Variants in NEDD4L observed in about 807,000 individuals in gnomAD.
The protein encoded by NEDD4L is NEDD4 like E3 ubiquitin protein ligase.
Under a neutral mutation model 148.9 loss-of-function variants are expected in NEDD4L, and 54 were observed. The observed-to-expected ratio is 0.36, with a 90% CI of 0.29 to 0.45. The LOEUF (loss-of-function observed/expected upper bound fraction) is 0.45, where lower values mean the gene tolerates loss of function less well. Ranked by LOEUF, NEDD4L falls within the 20% of genes least tolerant of loss-of-function variation. The pLI, the probability that NEDD4L is intolerant of heterozygous loss-of-function variation, is 1.00. For synonymous variants in NEDD4L, 433 were observed against 440.7 expected, an observed-to-expected ratio of 0.98 and a Z score of 0.22; for missense variants, 856 against 1,233.8, an observed-to-expected ratio of 0.69 and a Z score of 4.59.
intron 12 of NEDD4L, among the ~76,000 whole-genome samples, chr18:58,334,659 T>C (rs955600530): frequency 5.3e-5 from 8 of 152,230 alleles, no homozygotes; most frequent in African/African-American, 1.4e-4. Flanking sequence ...TTTTTAAGAC[T>C]AATAATGTAT....
At chr18:58,273,336 A>G (rs985466291) in intron 5 of NEDD4L, among the ~76,000 whole-genome samples, 8 of 152,256 alleles carry the variant, frequency 5.3e-5, no homozygotes, top group African/African-American at 1.9e-4. Flanking sequence ...ATTATGACAC[A>G]TCCACATTTT....
chr18:58,341,553 T>C (rs2042422553), intron 14 of NEDD4L, 125 bp from the exon 15 acceptor site: 1 of 998,934 alleles, frequency 1.0e-6, no homozygotes, highest in Non-Finnish European at 1.5e-6. Flanking sequence ...AATTATTTCC[T>C]CCACGCTTTA....
chr18:58,226,400 A>G (rs2044359088), intron 2 of NEDD4L, among the ~76,000 whole-genome samples: 1 of 152,172 alleles, frequency 6.6e-6, no homozygotes, highest in South Asian at 2.1e-4. Flanking sequence ...GCAGAGCTCT[A>G]TGTTTTCTCC....
chr18:58,048,213 C>T (rs1402268166), intron 1 of NEDD4L, among the ~76,000 whole-genome samples: 1 of 152,096 alleles, frequency 6.6e-6, no homozygotes, highest in African/African-American at 2.4e-5. Flanking sequence ...GGCAGATCTG[C>T]TTATAGGTGC....
intron 2 of NEDD4L, among the ~76,000 whole-genome samples, chr18:58,225,906 C>T (rs947707040): frequency 8.5e-5 from 13 of 152,194 alleles, no homozygotes; most frequent in African/African-American, 3.1e-4. Context: ...TTTTATAAAA[C>T]AGCACAGTTT....
intron 1 of NEDD4L, among the ~76,000 whole-genome samples, chr18:58,125,935 G>T (rs544008839): frequency 1.3e-5 from 2 of 152,210 alleles, no homozygotes; most frequent in Non-Finnish European, 2.9e-5. Flanking sequence ...GGCAGGTCCC[G>T]CCACCCGGGC....
rs2050622011 is a variant in NEDD4L at position 58,398,228 on chromosome 18, G to A, written c.*1959G>A. The A allele has an allele frequency of 7.9e-6, 1 of 126,190 alleles. No homozygotes were observed. The highest frequency in any genetic ancestry group is 1.6e-5 in the Non-Finnish European group (1 of 62,690). 7.8% of individuals were successfully genotyped at this position (126,190 alleles called of 1,614,324 possible). ...CATGAGTTTTGACTATTGGTGAGAT[G>A]TTTTCCGCTACAGTTAACATGACAA... On this transcript the variant is annotated 3_prime_UTR_variant, in exon 31 of 31. Transcript: ENST00000400345.
At chr18:58,365,553 G>T (rs1015800089) in intron 20 of NEDD4L, among the ~76,000 whole-genome samples, 35 of 152,194 alleles carry the variant, frequency 2.3e-4, no homozygotes, top group Admixed American at 2.3e-3. Context: ...AGGCAGCGTG[G>T]ATTATATCTA....
At chr18:58,200,646 G>A (rs550228548) in intron 2 of NEDD4L, among the ~76,000 whole-genome samples, 62 of 152,256 alleles carry the variant, frequency 4.1e-4, no homozygotes, top group African/African-American at 1.3e-3. Context: ...CTTTAGGTTC[G>A]TGAACCCCAT....
In NEDD4L at chr18:58,146,738, A is replaced by AGGATGTGGAAGGGT. The variant is rs1455565241; in HGVS notation, c.49-19049_49-19048insGATGTGGAAGGGTG. On this transcript the variant is annotated intron_variant, in intron 1 of 30. Coordinates refer to ENST00000400345, the MANE Select transcript of NEDD4L (RefSeq NM_001144967.3). Reference sequence around the variant, plus strand: ...AGGGTGAGGATGTGGAAGGGTGCAGAGCTGCTCAAGGTCAGCTTCCTGAGC... The same window carrying AGGATGTGGAAGGGT: ...AGGGTGAGGATGTGGAAGGGTGCAGAGGATGTGGAAGGGTGCTGCTCAAGGTCAGCTTCCTGAGC... Among the ~76,000 whole-genome samples the AGGATGTGGAAGGGT allele has an allele frequency of 9.7e-4, 147 of 152,284 alleles. 1 individual carries two copies. Among genetic ancestry groups the AGGATGTGGAAGGGT allele is most frequent in the African/African-American group, 3.3e-3 (138 of 41,550 alleles).
chr18:58,251,912 G>T (rs1426803698), intron 4 of NEDD4L, 89 bp from the exon 5 acceptor site: 4 of 760,644 alleles, frequency 5.3e-6, no homozygotes, highest in African/African-American at 3.4e-5. Context: ...TGGGCGCATT[G>T]TAAAGCAGTA....
intron 1 of NEDD4L, among the ~76,000 whole-genome samples, chr18:58,057,436 T>C (rs2082137937): frequency 6.6e-6 from 1 of 152,154 alleles, no homozygotes; most frequent in Non-Finnish European, 1.5e-5. Context: ...GCGTTTGCTT[T>C]GGTCAGCCGG....
At chr18:58,189,415 A>G (rs1163631871) in intron 2 of NEDD4L, among the ~76,000 whole-genome samples, 1 of 152,160 alleles carries the variant, frequency 6.6e-6, no homozygotes, top group East Asian at 1.9e-4. Context: ...ATGAGCCTAG[A>G]GTATAAATGG....
intron 1 of NEDD4L, among the ~76,000 whole-genome samples, chr18:58,109,243 T>G (rs1400724390): frequency 1.3e-5 from 2 of 152,140 alleles, no homozygotes; most frequent in African/African-American, 2.4e-5. Context: ...AATTCAGGTG[T>G]GTTCAGGTTG....
chr18:58,155,105 G>A (rs2035305171), intron 1 of NEDD4L, among the ~76,000 whole-genome samples: 1 of 152,132 alleles, frequency 6.6e-6, no homozygotes. Flanking sequence ...TCATGCAGTT[G>A]CCTTCAAAAA....
At chr18:58,287,098 T>C (rs1206832632) in intron 5 of NEDD4L, among the ~76,000 whole-genome samples, 1 of 152,092 alleles carries the variant, frequency 6.6e-6, no homozygotes, top group Non-Finnish European at 1.5e-5. Context: ...CTTTTTCTTT[T>C]TTTTTTTTTT....
chr18:58,242,729 C>A (rs1400057331), intron 2 of NEDD4L, among the ~76,000 whole-genome samples: 1 of 152,122 alleles, frequency 6.6e-6, no homozygotes, highest in East Asian at 1.9e-4. Flanking sequence ...TGGTCTTGAA[C>A]CCCCGGGCTC....
chr18:58,164,185 C>T (rs1252730080), intron 1 of NEDD4L, among the ~76,000 whole-genome samples: 1 of 148,502 alleles, frequency 6.7e-6, no homozygotes, highest in Non-Finnish European at 1.5e-5. Context: ...ACTGGAGTCC[C>T]TCTGTAAAGA....
intron 1 of NEDD4L, chr18:58,149,549 C>A: frequency 1.9e-6 from 3 of 1,548,828 alleles, no homozygotes; most frequent in South Asian, 1.2e-5. Flanking sequence ...AGACGTCTCG[C>A]ATTTGAGCAG....
Sources: allele counts gnomAD v4.1 joint callset (sites outside exome capture counted in the v4.1 genomes callset), GRCh38; gene constraint gnomAD v4.1.1; transcripts MANE v1.5; gene names NCBI Gene and HGNC (gene_info 2026-07-23, HGNC 2026-07-21).